PALS2: variants seen among roughly 807,000 people sequenced by gnomAD.
PALS2 encodes protein PALS2.
PALS2 carries 27 observed loss-of-function variants against 61.6 expected under a neutral mutation model. The ratio of observed to expected loss-of-function variants is 0.44; its 90% CI spans 0.32 to 0.60. PALS2 has a LOEUF of 0.60. Among genes scored for constraint, PALS2 ranks in the 20% least tolerant of loss-of-function variants. PALS2 has a pLI of 0.05. For synonymous variants in PALS2, 236 were observed against 218.6 expected (o/e 1.08, Z -0.70); for missense variants, 554 against 639.4 (o/e 0.87, Z 1.44).
chr7:24,636,845 G>A (rs1307548933), intron 2 of PALS2, among the ~76,000 whole-genome samples: 3 of 151,978 alleles, frequency 2.0e-5, no homozygotes, highest in Admixed American at 1.3e-4. Context: ...TTTGTGTTTT[G>A]ACCCTAGTTT....
chr7:24,638,758 C>G (rs370011707), intron 2 of PALS2, among the ~76,000 whole-genome samples: 36 of 152,268 alleles, frequency 2.4e-4, no homozygotes, highest in African/African-American at 8.7e-4. Flanking sequence ...ATGACTCTCC[C>G]CTGACCCCCA....
chr7:24,574,334 A>C (rs1343172653), intron 1 of PALS2: 1 of 152,234 alleles, frequency 6.6e-6, no homozygotes, highest in East Asian at 1.9e-4. Flanking sequence ...GGCTGGGTGG[A>C]GGGTCAGCAG....
chr7:24,612,740 C>G (rs144546394), intron 1 of PALS2, among the ~76,000 whole-genome samples: 2 of 151,892 alleles, frequency 1.3e-5, no homozygotes, highest in African/African-American at 4.8e-5. Context: ...AATTTTTTCA[C>G]TGATTTCTTC....
chr7:24,598,631 C>A (rs937652094), intron 1 of PALS2, among the ~76,000 whole-genome samples: 1 of 152,184 alleles, frequency 6.6e-6, no homozygotes, highest in African/African-American at 2.4e-5. Context: ...TCTGCTGTTT[C>A]ACTGAGTTAG....
At chr7:24,663,945 T>C (rs771953891) in intron 6 of PALS2, among the ~76,000 whole-genome samples, 4 of 152,190 alleles carry the variant, frequency 2.6e-5, no homozygotes, top group Non-Finnish European at 5.9e-5. Flanking sequence ...CACTAACCCA[T>C]TGGTTTAGGG....
chr7:24,687,761 T>G lies in PALS2; in HGVS notation c.*147T>G. 1.5e-6 allele frequency: 1 copy of G among 670,738 alleles called. No homozygotes were observed. Among genetic ancestry groups the G allele is most frequent in the Non-Finnish European group, 2.2e-6 (1 of 446,158 alleles). 41.5% of individuals were successfully genotyped at this position (670,738 alleles called of 1,614,324 possible). On this transcript the variant is annotated 3_prime_UTR_variant, in exon 12 of 12. Coordinates refer to ENST00000222644, the MANE Select transcript of PALS2 (RefSeq NM_001303037.2). The surrounding 1 kb of genome is among the most constrained non-coding windows in gnomAD (Gnocchi z 4.5). Reference sequence around the variant, plus strand: ...GTGTAGATTGAAATAATAGTACACTTCTGAATTTTTATATAAAATGTGGTT... The same window carrying G: ...GTGTAGATTGAAATAATAGTACACTGCTGAATTTTTATATAAAATGTGGTT...
intron 1 of PALS2, among the ~76,000 whole-genome samples, chr7:24,575,304 T>G (rs972088748): frequency 6.6e-6 from 1 of 152,186 alleles, no homozygotes; most frequent in Non-Finnish European, 1.5e-5. Context: ...CTGGAAAAAT[T>G]AAGGTGTTTA....
At chr7:24,680,845 C>T (rs940001085) in intron 11 of PALS2, among the ~76,000 whole-genome samples, 2 of 152,210 alleles carry the variant, frequency 1.3e-5, no homozygotes, top group African/African-American at 4.8e-5. Flanking sequence ...ATCTGCCCAC[C>T]TCGGCCTCCC....
At chr7:24,642,592 A>G (rs968139744) in intron 3 of PALS2, among the ~76,000 whole-genome samples, 2 of 152,162 alleles carry the variant, frequency 1.3e-5, no homozygotes, top group Non-Finnish European at 2.9e-5. Flanking sequence ...TGGTGCTGGG[A>G]TAGAATAAAG....
chr7:24,681,573 A>G (rs1787932764), intron 11 of PALS2, among the ~76,000 whole-genome samples: 1 of 151,432 alleles, frequency 6.6e-6, no homozygotes, highest in South Asian at 2.1e-4. Flanking sequence ...TAAGGATTCA[A>G]ACAAGATCAA....
intron 1 of PALS2, among the ~76,000 whole-genome samples, chr7:24,599,017 A>G (rs890527704): frequency 1.3e-5 from 2 of 152,234 alleles, no homozygotes; most frequent in African/African-American, 4.8e-5. Flanking sequence ...CGAGTGTTGA[A>G]TGAGGCAGGA....
At chr7:24,655,032 G>A (rs1786343590) in intron 5 of PALS2, among the ~76,000 whole-genome samples, 1 of 152,176 alleles carries the variant, frequency 6.6e-6, no homozygotes, top group Non-Finnish European at 1.5e-5. Context: ...CATGTGTTCA[G>A]TAAACATATA....
chr7:24,680,585 A>G (rs1157787364), intron 11 of PALS2, 65 bp downstream of exon 11: 8 of 1,505,276 alleles, frequency 5.3e-6, no homozygotes, highest in Non-Finnish European at 7.2e-6. Context: ...TTTAACTGTT[A>G]TCTAATTTAT....
intron 6 of PALS2, 129 bp from the exon 7 acceptor site, chr7:24,665,459 G>T: frequency 2.8e-6 from 2 of 706,844 alleles, no homozygotes; most frequent in Non-Finnish European, 2.4e-6. Context: ...CAATGCTATG[G>T]ATTTAAATCT....
intron 1 of PALS2, among the ~76,000 whole-genome samples, chr7:24,607,024 T>C (rs537413626): frequency 5.3e-5 from 8 of 152,264 alleles, no homozygotes; most frequent in African/African-American, 1.7e-4. Flanking sequence ...TTTCCACTTG[T>C]GGTGTCCTGT....
chr7:24,624,035 C>A, intron 2 of PALS2: 1 of 1,292,364 alleles, frequency 7.7e-7, no homozygotes, highest in Non-Finnish European at 1.0e-6. Flanking sequence ...TTAGAGAAAT[C>A]ATACCTGCAC....
intron 1 of PALS2, chr7:24,597,041 T>TA (rs1783550112): frequency 6.6e-6 from 1 of 152,112 alleles, no homozygotes; most frequent in African/African-American, 2.4e-5. Flanking sequence ...AGAGAATGGG[T>TA]AGTTGGTGAT....
intron 1 of PALS2, among the ~76,000 whole-genome samples, chr7:24,607,837 T>A (rs568336670): frequency 4.1e-4 from 62 of 152,142 alleles, no homozygotes; most frequent in Middle Eastern, 6.8e-3. Flanking sequence ...AGAATGAGCT[T>A]CAATATGGAA....
chr7:24,644,378 G>A (rs1031277554), intron 3 of PALS2, among the ~76,000 whole-genome samples: 6 of 151,918 alleles, frequency 3.9e-5, no homozygotes, highest in African/African-American at 9.7e-5. Flanking sequence ...CTGTTCCTGC[G>A]TTAGTTTGCT....
Sources: gnomAD v4.1 joint callset for allele counts (sites outside exome capture counted in the v4.1 genomes callset) on GRCh38, gnomAD v4.1.1 for gene constraint, Gnocchi (gnomAD v3.1) non-coding constraint, MANE v1.5 for transcripts, NCBI Gene and HGNC (gene_info 2026-07-23, HGNC 2026-07-21) for gene names.